RANGAP1: variants seen among roughly 807,000 people sequenced by gnomAD.
RANGAP1 encodes ran GTPase-activating protein 1.
In RANGAP1, 38 loss-of-function variants were observed where a neutral mutation model predicts 63.5. That is an observed-to-expected ratio of 0.60 (90% CI 0.46 to 0.78). The LOEUF (loss-of-function observed/expected upper bound fraction) is 0.78. Among genes scored for constraint, RANGAP1 ranks in the 30% least tolerant of loss-of-function variants. The pLI is 0.00. For missense variants in RANGAP1, 630 were observed against 740.3 expected, an observed-to-expected ratio of 0.85 and a Z score of 1.73; for synonymous variants, 329 against 310.5, an observed-to-expected ratio of 1.06 and a Z score of -0.63.
chr22:41,268,252 C>T lies in RANGAP1; in HGVS notation c.241-96G>A. The T allele has an allele frequency of 2.8e-6, 3 of 1,073,360 alleles. No homozygotes were observed. The East Asian group carries it at 7.8e-5, about 28-fold the overall frequency. The allele number at this position is 1,073,360 out of a possible 1,614,324, so 66.5% of individuals were successfully genotyped here. A position where few individuals can be genotyped will look rare whatever the true frequency, so the allele number is the denominator to read the frequency against. On this transcript the variant is annotated intron_variant, in intron 3 of 15. Transcript: ENST00000356244. ...GTGGATTTGAACTACCAGAGCATCA[C>T]AAGACTTTTTTCTTTTTTTTGAGAC... is the stretch of plus-strand genomic sequence containing the variant.
At chr22:41,252,675 G>A (rs2033544863) in intron 12 of RANGAP1, among the ~76,000 whole-genome samples, 197 bp downstream of exon 12, 1 of 152,132 alleles carries the variant, frequency 6.6e-6, no homozygotes, top group Non-Finnish European at 1.5e-5. Context: ...AGGCTGAGTG[G>A]GGAGGGAACA....
At chr22:41,278,312 T>G (rs2035280016) in intron 2 of RANGAP1, among the ~76,000 whole-genome samples, 1 of 152,194 alleles carries the variant, frequency 6.6e-6, no homozygotes, top group African/African-American at 2.4e-5. Flanking sequence ...GTGCTGGGAT[T>G]ACAGGCGTGA....
At chr22:41,279,452 A>C (rs12160501) in intron 2 of RANGAP1, among the ~76,000 whole-genome samples, 14 of 152,084 alleles carry the variant, frequency 9.2e-5, no homozygotes, top group African/African-American at 3.4e-4. Context: ...CCTGGGTGAC[A>C]GAGCACGACT....
intron 1 of RANGAP1, among the ~76,000 whole-genome samples, chr22:41,284,045 G>C (rs186954427): frequency 1.3e-5 from 2 of 151,424 alleles, no homozygotes; most frequent in Non-Finnish European, 2.9e-5. Flanking sequence ...TCAGGAGATC[G>C]AGACCATCCT....
the RANGAP1 span, among the ~76,000 whole-genome samples, chr22:41,295,262 G>A: frequency 6.6e-6 from 1 of 151,744 alleles, no homozygotes; most frequent in Non-Finnish European, 1.5e-5. Flanking sequence ...AGAAAGGGGG[G>A]AAAGGTGGGG....
At chr22:41,298,082 T>C in the RANGAP1 span, among the ~76,000 whole-genome samples, 1 of 151,886 alleles carries the variant, frequency 6.6e-6, no homozygotes, top group Non-Finnish European at 1.5e-5. Context: ...GGTCTCGAAC[T>C]CCCTACCTCA....
At chr22:41,277,992 G>A (rs1329808382) in intron 2 of RANGAP1, among the ~76,000 whole-genome samples, 1 of 151,336 alleles carries the variant, frequency 6.6e-6, no homozygotes, top group African/African-American at 2.4e-5. Flanking sequence ...TGTGCTGGGA[G>A]AGTAAAGAAG....
chr22:41,256,379 A>C, intron 8 of RANGAP1, 89 bp from the exon 9 acceptor site: 1 of 1,328,702 alleles, frequency 7.5e-7, no homozygotes, highest in Non-Finnish European at 1.1e-6. Context: ...CCAAGTGAGG[A>C]TATGGCAGGC....
At chr22:41,276,935 A>T (rs1327119411) in intron 2 of RANGAP1, among the ~76,000 whole-genome samples, 1 of 148,562 alleles carries the variant, frequency 6.7e-6, no homozygotes, top group African/African-American at 2.5e-5. Context: ...GCAGTGAGCG[A>T]GATCTTGCCA....
At chr22:41,273,674 G>C (rs2034963888) in intron 3 of RANGAP1, among the ~76,000 whole-genome samples, 1 of 142,092 alleles carries the variant, frequency 7.0e-6, no homozygotes, top group Non-Finnish European at 1.5e-5. Flanking sequence ...GGCTGAGGCA[G>C]AAGAATCACT....
intron 3 of RANGAP1, among the ~76,000 whole-genome samples, chr22:41,270,294 C>A (rs1265862969): frequency 6.6e-6 from 1 of 152,070 alleles, no homozygotes; most frequent in Admixed American, 6.6e-5. Flanking sequence ...GCACCCGCCA[C>A]CGCGCCCAGC....
intron 10 of RANGAP1, 132 bp from the exon 11 acceptor site, chr22:41,254,626 C>T: frequency 6.7e-7 from 1 of 1,482,616 alleles, no homozygotes; most frequent in Non-Finnish European, 8.9e-7. Context: ...GGAGCACCTG[C>T]TCCCAGGGCA....
chr22:41,250,566 C>A (rs532206900), intron 13 of RANGAP1, among the ~76,000 whole-genome samples: 4 of 152,252 alleles, frequency 2.6e-5, no homozygotes, highest in African/African-American at 9.6e-5. Context: ...GGGATATGGG[C>A]TGGTGCTCCA....
intron 13 of RANGAP1, among the ~76,000 whole-genome samples, chr22:41,250,777 A>C (rs1016520743): frequency 6.6e-6 from 1 of 151,846 alleles, no homozygotes; most frequent in Non-Finnish European, 1.5e-5. Flanking sequence ...CTAACTGTAC[A>C]TGGCTGTGTG....
intron 11 of RANGAP1, 74 bp downstream of exon 11, chr22:41,254,234 C>T: frequency 6.4e-7 from 1 of 1,552,594 alleles, no homozygotes; most frequent in East Asian, 2.2e-5. Context: ...ACCCCCTACC[C>T]CATTGTGAAA....
rs748108526 is a variant in RANGAP1 at position 41,249,342 on chromosome 22, G to A, written c.1682C>T (p.Ala561Val). ...FPKALAPLLL[A>V]FVTKPNSALE... ...AGGCCACACTCACTTGGTCACGAAC[G>A]CCAGCAGCAGGGGTGCAAGGGCCTT... The change falls in exon 15 of 16, where the codon GCG (alanine) becomes GTG (valine). Residue 561 changes from alanine to valine, a missense_variant. Ala to Val is a moderately conservative substitution (Grantham distance 64). This residue lies in a region of RANGAP1 where 428 missense variants were observed against 465.5 expected (regional missense o/e 0.92). Transcript: ENST00000356244. The A allele has an allele frequency of 1.4e-5, 23 of 1,605,362 alleles. No individual in the cohort carries two copies. Among genetic ancestry groups the A allele is most frequent in the Non-Finnish European group, 1.7e-5 (20 of 1,174,984 alleles).
chr22:41,290,157 AAAGAG>A (rs2035821892), upstream of RANGAP1, among the ~76,000 whole-genome samples: 1 of 147,004 alleles, frequency 6.8e-6, no homozygotes, highest in African/African-American at 2.5e-5. Context: ...GAAAAAAAAA[AAAGAG>A]AGAGAGAGAG....
intron 1 of RANGAP1, among the ~76,000 whole-genome samples, chr22:41,284,233 C>T (rs1569216303): frequency 6.6e-6 from 1 of 150,852 alleles, no homozygotes; most frequent in African/African-American, 2.4e-5. Context: ...GGCAACAGAG[C>T]GAGACTCACC....
In RANGAP1 at chr22:41,244,988, T is replaced by C. The variant is rs2032947996; in HGVS notation, c.*1615A>G. Among the ~76,000 whole-genome samples the C allele has an allele frequency of 6.6e-6, 1 of 152,228 alleles. No individual in the cohort carries two copies. The highest frequency in any genetic ancestry group is 1.5e-5 in the Non-Finnish European group (1 of 68,038). The stretch of plus-strand genomic sequence containing the variant: ...GCTTATTCTAGATGCCTCATCTAAA[T>C]GGAATCATATTTGTCCTTTTGTGTC... On this transcript the variant is annotated 3_prime_UTR_variant, in exon 16 of 16. Transcript: ENST00000356244.
Sources: allele counts gnomAD v4.1 joint callset (sites outside exome capture counted in the v4.1 genomes callset), GRCh38; gene constraint gnomAD v4.1.1; regional missense constraint gnomAD v4.1.1; transcripts MANE v1.5; gene names NCBI Gene and HGNC (gene_info 2026-07-23, HGNC 2026-07-21).